Variants in INTS3 observed in about 807,000 individuals in gnomAD.
INTS3 encodes the protein integrator complex subunit 3.
In INTS3, 34 loss-of-function variants were observed where a neutral mutation model predicts 146.3. That is an observed-to-expected ratio of 0.23 (90% CI 0.18 to 0.31). The LOEUF is 0.31. Ranked by LOEUF, INTS3 falls within the 10% of genes least tolerant of loss-of-function variation. The probability of loss-of-function intolerance (pLI) is 1.00; values close to 1 mark genes in which losing one functional copy is unlikely to be tolerated. For synonymous variants in INTS3, 475 were observed against 494.9 expected, an observed-to-expected ratio of 0.96 and a Z score of 0.53; for missense variants, 757 against 1,304.2, an observed-to-expected ratio of 0.58 and a Z score of 6.46.
intron 5 of INTS3, chr1:153,747,626 G>A (rs1357083315): frequency 1.1e-5 from 6 of 525,856 alleles, no homozygotes; most frequent in Non-Finnish European, 2.0e-5. Flanking sequence ...GCCTATTTTA[G>A]CCAGTCTTCA....
Position 153,741,347 on chromosome 1 carries a change from T to C in INTS3, c.297T>C (p.Thr99=). The change falls in exon 3 of 30, where the codon ACT becomes ACC. Residue 99 remains threonine, a synonymous_variant. Transcript: ENST00000318967. ...TGGGCCTGTTTACTCTCATCCTCAC[T>C]GAACCTGCCCAAGCCCAGAAGGTAA... ...ICLGLFTLIL[T]EPAQAQKCYR... is the part of the protein sequence containing the mutation. 6.2e-7 allele frequency: 1 copy of C among 1,613,986 alleles called. No individual in the cohort carries two copies. The highest frequency in any genetic ancestry group is 8.5e-7 in the Non-Finnish European group (1 of 1,179,872).
rs1192197886 is a variant in INTS3 at position 153,774,282 on chromosome 1, C to G, written c.*1012C>G. 1 of 152,258 alleles carries G rather than the reference C, an allele frequency of 6.6e-6. No individual in the cohort carries two copies. The highest frequency in any genetic ancestry group is 1.5e-5 in the Non-Finnish European group (1 of 68,082). 9.4% of individuals were successfully genotyped at this position (152,258 alleles called of 1,614,324 possible). A position where few individuals can be genotyped will look rare whatever the true frequency, so the allele number is the denominator to read the frequency against. ...CTGGAGGTGGGAGCCAGGCACTGAT[C>G]TGTCTATGCAGAACCATCCCCCGTA... On this transcript the variant is annotated 3_prime_UTR_variant, in exon 30 of 30. Coordinates refer to ENST00000318967, the MANE Select transcript of INTS3 (RefSeq NM_023015.5).
At chr1:153,740,584 A>G (rs1671490444) in intron 1 of INTS3, 67 bp from the exon 2 acceptor site, 2 of 1,166,020 alleles carry the variant, frequency 1.7e-6, no homozygotes, top group Non-Finnish European at 2.6e-6. Flanking sequence ...TTAAACTTTT[A>G]GGGGCCCAGA....
chr1:153,742,507 T>TGC (rs754780008), intron 3 of INTS3, among the ~76,000 whole-genome samples: 13 of 144,952 alleles, frequency 9.0e-5, no homozygotes, highest in East Asian at 8.2e-4. Flanking sequence ...TGTGTGTGTG[T>TGC]GCGTGCGCAT....
intron 21 of INTS3, 51 bp downstream of exon 21, chr1:153,767,878 C>G (rs1672658181): frequency 6.5e-7 from 1 of 1,530,914 alleles, no homozygotes; most frequent in South Asian, 1.2e-5. Flanking sequence ...GAACACACCT[C>G]AGTGAACACT....
intron 10 of INTS3, among the ~76,000 whole-genome samples, chr1:153,758,664 C>T (rs756587397): frequency 6.0e-5 from 9 of 149,850 alleles, no homozygotes; most frequent in African/African-American, 9.9e-5. Context: ...CAAAAATTAG[C>T]CAAGTGTGTT....
chr1:153,763,051 C>G (rs1672443436), intron 15 of INTS3, among the ~76,000 whole-genome samples, 182 bp from the exon 16 acceptor site: 2 of 152,190 alleles, frequency 1.3e-5, no homozygotes, highest in Non-Finnish European at 2.9e-5. Context: ...GGTTCCTGCC[C>G]TTGTTTGCTT....
rs770717512 is a variant in INTS3 at position 153,754,641 on chromosome 1, G to T, written c.860-1G>T. On this transcript the variant is annotated splice_acceptor_variant, in intron 8 of 29. Coordinates refer to ENST00000318967, the MANE Select transcript of INTS3 (RefSeq NM_023015.5). LOFTEE classifies it high-confidence loss of function. ...TCTCTTCCCTTCCACATTTGATTCA[G>T]GTATCCTACAGCTTCTTCAGTCAAG... The T allele has an allele frequency of 6.3e-7, 1 of 1,598,812 alleles. No individual in the cohort carries two copies. Among genetic ancestry groups the T allele is most frequent in the Non-Finnish European group, 8.6e-7 (1 of 1,166,118 alleles).
chr1:153,761,435 G>A (rs974555205), intron 13 of INTS3, 135 bp from the exon 14 acceptor site: 32 of 625,330 alleles, frequency 5.1e-5, no homozygotes, highest in Admixed American at 3.1e-4. Flanking sequence ...GCTTGAATCC[G>A]GGAGGTGGAG....
chr1:153,752,050 C>T, intron 7 of INTS3: 1 of 532,432 alleles, frequency 1.9e-6, no homozygotes, highest in East Asian at 3.6e-5. Flanking sequence ...GCCAGCAGGG[C>T]TTCAGCACTT....
Position 153,773,645 on chromosome 1 carries a change from C to G in INTS3, c.*375C>G. ...GAGAAGGGAAATGACAAAGGGGCAG[C>G]TGGCCAGATAAGCTAGGATGAGAGC... On this transcript the variant is annotated 3_prime_UTR_variant, in exon 30 of 30. Coordinates refer to ENST00000318967, the MANE Select transcript of INTS3 (RefSeq NM_023015.5). 1 of 321,246 alleles carries G rather than the reference C, an allele frequency of 3.1e-6. No individual in the cohort carries two copies. The highest frequency in any genetic ancestry group is 2.1e-5 in the African/African-American group (1 of 47,906). 19.9% of individuals were successfully genotyped at this position (321,246 alleles called of 1,614,324 possible).
At chr1:153,740,579 C>T (rs1671489873) in intron 1 of INTS3, 72 bp from the exon 2 acceptor site, 10 of 1,162,828 alleles carry the variant, frequency 8.6e-6, no homozygotes, top group Non-Finnish European at 1.0e-5. Context: ...AATTGTTAAA[C>T]TTTTAGGGGC....
At chr1:153,759,684 C>A in intron 11 of INTS3, 71 bp downstream of exon 11, 1 of 980,618 alleles carries the variant, frequency 1.0e-6, no homozygotes, top group Non-Finnish European at 1.6e-6. Flanking sequence ...TTAGTGATAG[C>A]AGTCATAAAT....
At chr1:153,731,695 C>T (rs1276791837) in intron 1 of INTS3, among the ~76,000 whole-genome samples, 2 of 147,218 alleles carry the variant, frequency 1.4e-5, no homozygotes, top group Non-Finnish European at 3.0e-5. Context: ...ACACCATTCT[C>T]CTGCCTCAGC....
rs1197002473 is a variant in INTS3, at chr1:153,772,247, CCT to C, written c.2721-90_2721-89del. ...CCTATCCTGTTCCCCATGTAGGCTG[CCT>C]CTGTCTTAAGGGGGCCCTGGCGGGT... On this transcript the variant is annotated intron_variant, in intron 26 of 29. Coordinates refer to ENST00000318967, the MANE Select transcript of INTS3 (RefSeq NM_023015.5). This position sits in a 1 kb window ranked among gnomAD's most constrained non-coding sequence, Gnocchi z 4.6. The C allele has an allele frequency of 4.9e-6, 7 of 1,417,256 alleles. No individual in the cohort carries two copies. The highest frequency in any genetic ancestry group is 1.9e-4 in the Middle Eastern group (1 of 5,306). The allele number at this position is 1,417,256 out of a possible 1,614,324, so 87.8% of individuals were successfully genotyped here. A position where few individuals can be genotyped will look rare whatever the true frequency, so the allele number is the denominator to read the frequency against.
rs1673079463 is a variant in INTS3 at position 153,774,798 on chromosome 1, G to A, written c.*1528G>A. 2.9e-6 allele frequency: 1 copy of A among 339,510 alleles called. No individual in the cohort carries two copies. Among genetic ancestry groups the A allele is most frequent in the Admixed American group, 4.5e-5 (1 of 22,062 alleles). 21.0% of individuals were successfully genotyped at this position (339,510 alleles called of 1,614,324 possible). On this transcript the variant is annotated 3_prime_UTR_variant, in exon 30 of 30. Coordinates refer to ENST00000318967, the MANE Select transcript of INTS3 (RefSeq NM_023015.5). ...TTTCCTCTGTCCCAATTAAAACCAG[G>A]ATGGAGAGCATTTGCTGGCTGGCCC...
At chr1:153,769,027 C>G in intron 22 of INTS3, 66 bp downstream of exon 22, 1 of 1,302,208 alleles carries the variant, frequency 7.7e-7, no homozygotes, top group Non-Finnish European at 1.1e-6. Flanking sequence ...AGGGCCTCTG[C>G]TCTCCCTCCA....
chr1:153,770,885 A>G, intron 25 of INTS3, 152 bp downstream of exon 25: 1 of 684,278 alleles, frequency 1.5e-6, no homozygotes, highest in East Asian at 2.7e-5. Flanking sequence ...TGACTTACAA[A>G]TGAGCAGCTC....
At chr1:153,734,223 T>G (rs6427183) in intron 1 of INTS3, among the ~76,000 whole-genome samples, 95,131 of 152,010 alleles carry the variant, frequency 0.63, 31,590 homozygotes, top group African/African-American at 0.86. Flanking sequence ...CCTATGATTC[T>G]ATCTTTACTA....
Sources: allele counts gnomAD v4.1 joint callset (sites outside exome capture counted in the v4.1 genomes callset), GRCh38; gene constraint gnomAD v4.1.1; non-coding constraint Gnocchi (gnomAD v3.1); transcripts MANE v1.5; gene names NCBI Gene and HGNC (gene_info 2026-07-23, HGNC 2026-07-21).